Variants in HIPK2 observed in about 807,000 individuals in gnomAD.
HIPK2 encodes the protein homeodomain interacting protein kinase 2.
In HIPK2, 27 loss-of-function variants were observed where a neutral mutation model predicts 113.7. The ratio of observed to expected loss-of-function variants is 0.24; its 90% CI spans 0.17 to 0.33. The LOEUF (loss-of-function observed/expected upper bound fraction) is 0.33. HIPK2 is among the 10% of genes least tolerant of loss of function. HIPK2 has a pLI of 1.00. For missense variants in HIPK2, 1,257 were observed against 1,588.0 expected (o/e 0.79, Z 3.54); for synonymous variants, 631 against 642.2 (o/e 0.98, Z 0.26).
chr7:139,604,147 G>A lies in HIPK2; in HGVS notation c.2189C>T (p.Thr730Ile), dbSNP rs1191973730. 1 of 1,613,972 alleles carries A rather than the reference G, an allele frequency of 6.2e-7. No individual in the cohort carries two copies. The highest frequency in any genetic ancestry group is 8.5e-7 in the Non-Finnish European group (1 of 1,179,870). ...AATCACGGTGGCATGCTGCACTGAT[G>A]TGTGGGTGGCCACTCCAGTCAGTTG... Reference protein sequence around the residue: ...WQQLTGVATHTSVQHATVIPE... With the variant: ...WQQLTGVATHISVQHATVIPE... Residue 730 changes from threonine to isoleucine, a missense_variant, in exon 10 of 15, where the codon ACA becomes ATA. Around this residue, in one of 5 missense-constraint regions of HIPK2, gnomAD observed 862 missense variants for 1,004.3 expected, o/e 0.86. Transcript: ENST00000406875.
intron 1 of HIPK2, among the ~76,000 whole-genome samples, chr7:139,718,353 G>A (rs2116960965): frequency 6.6e-6 from 1 of 152,204 alleles, no homozygotes; most frequent in South Asian, 2.1e-4. Context: ...TGAGCCCCTG[G>A]CATTACCTAG....
At chr7:139,750,655 A>G (rs1017495150) in intron 1 of HIPK2, among the ~76,000 whole-genome samples, 4 of 152,222 alleles carry the variant, frequency 2.6e-5, no homozygotes, top group African/African-American at 9.6e-5. Flanking sequence ...TCCAGGGAAT[A>G]ACATTTGCTG....
rs1378530022 is a variant in HIPK2, at chr7:139,575,228, G to A, written c.3026C>T (p.Thr1009Ile). ...TGAGCTCCCTGAAGAGTGACCGCTGGTGGAGGTCACGTTGCTGGAGGACTT... is the reference window on the plus strand; with the variant it reads ...TGAGCTCCCTGAAGAGTGACCGCTGATGGAGGTCACGTTGCTGGAGGACTT... ...KSKSSSNVTS[T>I]SGHSSGSSSG... Residue 1009 changes from threonine (T) to isoleucine (I), a missense_variant, in exon 14 of 15, where the codon ACC becomes ATC. Coordinates refer to ENST00000406875, the MANE Select transcript of HIPK2 (RefSeq NM_022740.5). The A allele has an allele frequency of 1.3e-6, 2 of 1,582,970 alleles. No homozygotes were observed. Among genetic ancestry groups the A allele is most frequent in the South Asian group, 2.3e-5 (2 of 86,280 alleles).
At chr7:139,684,654 T>C (rs894587403) in intron 2 of HIPK2, among the ~76,000 whole-genome samples, 10 of 152,168 alleles carry the variant, frequency 6.6e-5, no homozygotes, top group African/African-American at 2.4e-4. Flanking sequence ...GAGTTTGAGG[T>C]TGCAGTAGCC....
chr7:139,607,520 GC>G (rs1208642365), intron 9 of HIPK2, among the ~76,000 whole-genome samples: 3 of 152,222 alleles, frequency 2.0e-5, no homozygotes, highest in Middle Eastern at 3.4e-3. Flanking sequence ...ACCTTTTATA[GC>G]TCTGGAAGGG....
chr7:139,630,985 G>T lies in HIPK2; in HGVS notation c.1347+180C>A, dbSNP rs1019169358. The T allele has an allele frequency of 5.8e-6, 2 of 347,130 alleles. No individual in the cohort carries two copies. The highest frequency in any genetic ancestry group is 8.1e-6 in the Non-Finnish European group (2 of 246,560). 21.5% of individuals were successfully genotyped at this position (347,130 alleles called of 1,614,324 possible). A position where few individuals can be genotyped will look rare whatever the true frequency, so the allele number is the denominator to read the frequency against. Reference sequence around the variant, plus strand: ...ATAAGGTTGGACTCTCACAGGCGGCGATAGGCCAAGGGAAAGAGGGGCTTC... The same window carrying T: ...ATAAGGTTGGACTCTCACAGGCGGCTATAGGCCAAGGGAAAGAGGGGCTTC... On this transcript the variant is annotated intron_variant, in intron 4 of 14. Transcript: ENST00000406875. This position sits in a 1 kb window ranked among gnomAD's most constrained non-coding sequence, Gnocchi z 4.0.
intron 7 of HIPK2, among the ~76,000 whole-genome samples, chr7:139,616,046 A>G (rs1569454962): frequency 6.6e-6 from 1 of 151,596 alleles, no homozygotes; most frequent in Non-Finnish European, 1.5e-5. Flanking sequence ...CACATTCCCC[A>G]TGGTCTGCTC....
chr7:139,572,922 A>G lies in HIPK2; in HGVS notation c.*5T>C. 4 of 157,992 alleles carry G rather than the reference A, an allele frequency of 2.5e-5. No homozygotes were observed. The highest frequency in any genetic ancestry group is 4.9e-5 in the Non-Finnish European group (4 of 81,244). The allele number at this position is 157,992 out of a possible 1,614,324, so 9.8% of individuals were successfully genotyped here. A position where few individuals can be genotyped will look rare whatever the true frequency, so the allele number is the denominator to read the frequency against. On this transcript the variant is annotated 3_prime_UTR_variant, in exon 15 of 15. Coordinates refer to ENST00000406875, the MANE Select transcript of HIPK2 (RefSeq NM_022740.5). ...CTCCCTCCCTCCCTCCCTCCCCTCC[A>G]GTGTTTATATGTAAGGGTACTGGTT... is the stretch of plus-strand genomic sequence containing the variant.
intron 1 of HIPK2, among the ~76,000 whole-genome samples, chr7:139,718,590 C>T (rs1388147321): frequency 6.6e-6 from 1 of 152,224 alleles, no homozygotes; most frequent in Non-Finnish European, 1.5e-5. Flanking sequence ...TAAAAAAGTT[C>T]CCGATTCTCA....
At chr7:139,673,668 C>G (rs1802384744) in intron 2 of HIPK2, among the ~76,000 whole-genome samples, 1 of 151,970 alleles carries the variant, frequency 6.6e-6, no homozygotes, top group African/African-American at 2.4e-5. Context: ...ATCCTTCTAC[C>G]TACAGTGATG....
intron 6 of HIPK2, 136 bp from the exon 7 acceptor site, chr7:139,620,699 T>C: frequency 8.6e-7 from 1 of 1,164,772 alleles, no homozygotes; most frequent in Non-Finnish European, 1.2e-6. Context: ...AACTAAACTT[T>C]AGGTCTAAGT....
chr7:139,568,058 C>A lies in HIPK2; in HGVS notation c.*4869G>T, dbSNP rs1447204305. 1 of 152,370 alleles carries A rather than the reference C, an allele frequency of 6.6e-6. No homozygotes were observed. Among genetic ancestry groups the A allele is most frequent in the Admixed American group, 6.5e-5 (1 of 15,282 alleles). The allele number at this position is 152,370 out of a possible 1,614,324, so 9.4% of individuals were successfully genotyped here. On this transcript the variant is annotated 3_prime_UTR_variant, in exon 15 of 15. Transcript: ENST00000406875. ...ATGCTCACACGGCCTAAATCTTCCA[C>A]CCCAAGCTTGTTCCAATATGAGTGT... is the stretch of plus-strand genomic sequence containing the variant.
intron 2 of HIPK2, among the ~76,000 whole-genome samples, chr7:139,647,732 T>C (rs1801293548): frequency 6.6e-6 from 1 of 152,152 alleles, no homozygotes; most frequent in Non-Finnish European, 1.5e-5. Flanking sequence ...TAGGGAGATT[T>C]TGAAAATTCA....
chr7:139,627,523 G>C, intron 5 of HIPK2, among the ~76,000 whole-genome samples: 1 of 152,166 alleles, frequency 6.6e-6, no homozygotes. Flanking sequence ...TTCCAAGGGT[G>C]AGTCTATACT....
chr7:139,562,932 C>G lies in HIPK2; in HGVS notation c.*9995G>C, dbSNP rs1409693240. ...GAAATTCTGCTGCCCCAAAGTATGA[C>G]TTTCTTGTCTATTTCATTTGGTTAA... On this transcript the variant is annotated 3_prime_UTR_variant, in exon 15 of 15. Transcript: ENST00000406875. The G allele has an allele frequency of 6.6e-6, 1 of 152,198 alleles. No homozygotes were observed. The highest frequency in any genetic ancestry group is 1.5e-5 in the Non-Finnish European group (1 of 68,048). The allele number at this position is 152,198 out of a possible 1,614,324, so 9.4% of individuals were successfully genotyped here.
At chr7:139,642,209 G>A (rs553100712) in intron 2 of HIPK2, among the ~76,000 whole-genome samples, 6 of 152,346 alleles carry the variant, frequency 3.9e-5, no homozygotes, top group African/African-American at 1.2e-4. Flanking sequence ...CAGATGGGTT[G>A]TTAAATCTTA....
intron 2 of HIPK2, among the ~76,000 whole-genome samples, chr7:139,676,649 A>C (rs1802504981): frequency 6.6e-6 from 1 of 152,158 alleles, no homozygotes; most frequent in African/African-American, 2.4e-5. Context: ...CCCTTCTTCC[A>C]ACATGCCATA....
chr7:139,573,444 G>T, intron 14 of HIPK2, 47 bp from the exon 15 acceptor site: 7 of 1,570,082 alleles, frequency 4.5e-6, no homozygotes, highest in Non-Finnish European at 6.1e-6. Context: ...CGACACATGG[G>T]GAGGAAGGAA....
At chr7:139,773,992 G>A (rs1387647596) in intron 1 of HIPK2, among the ~76,000 whole-genome samples, 1 of 152,180 alleles carries the variant, frequency 6.6e-6, no homozygotes, top group Non-Finnish European at 1.5e-5. Flanking sequence ...TTCTCTACCT[G>A]AAACCAGCAG....
Sources: gnomAD v4.1 joint callset for allele counts (sites outside exome capture counted in the v4.1 genomes callset) on GRCh38, gnomAD v4.1.1 for gene constraint, gnomAD v4.1.1 regional missense constraint, Gnocchi (gnomAD v3.1) non-coding constraint, MANE v1.5 for transcripts, NCBI Gene and HGNC (gene_info 2026-07-23, HGNC 2026-07-21) for gene names.